The following FDPS variants were observed in gnomAD, a reference collection of about 807,000 sequenced individuals.
FDPS encodes farnesyl pyrophosphate synthase.
Under a neutral mutation model 49.5 loss-of-function variants are expected in FDPS, and 29 were observed. The ratio of observed to expected loss-of-function variants is 0.59; its 90% CI spans 0.44 to 0.80. The LOEUF is 0.80. FDPS is among the 30% of genes least tolerant of loss of function. The probability of loss-of-function intolerance (pLI) is 0.00; values close to 1 mark genes in which losing one functional copy is unlikely to be tolerated. For synonymous variants in FDPS, 172 were observed against 206.4 expected (o/e 0.83, Z 1.43); for missense variants, 414 against 525.6 (o/e 0.79, Z 2.08).
rs1247238727 is a variant in FDPS, at chr1:155,309,649, C to T, written c.-1-140C>T. 4 of 720,252 alleles carry T rather than the reference C, an allele frequency of 5.6e-6. No homozygotes were observed. The Admixed American group carries it at 1.2e-4, about 22-fold the overall frequency. 44.6% of individuals were successfully genotyped at this position (720,252 alleles called of 1,614,324 possible). On this transcript the variant is annotated intron_variant, in intron 1 of 10. Coordinates refer to ENST00000368356, the MANE Select transcript of FDPS (RefSeq NM_002004.4). Reference sequence around the variant, plus strand: ...TGCGTATCCTTCCTGTAATTGTCCCCAAGCACATTCCACAAGAGGGAGGGG... The same window carrying T: ...TGCGTATCCTTCCTGTAATTGTCCCTAAGCACATTCCACAAGAGGGAGGGG...
chr1:155,318,157 C>T lies in FDPS; in HGVS notation c.562-12C>T, dbSNP rs1489298651. The T allele has an allele frequency of 6.2e-7, 1 of 1,613,956 alleles. No individual in the cohort carries two copies. Among genetic ancestry groups the T allele is most frequent in the African/African-American group, 1.3e-5 (1 of 74,902 alleles). The stretch of plus-strand genomic sequence containing the variant: ...AGAGATTGATTGCTTGTTTTTCTGT[C>T]TGTCATGACAGCCGGGCGTGGGTTT... On this transcript the variant is annotated splice_polypyrimidine_tract_variant and intron_variant, in intron 5 of 10. Transcript: ENST00000368356. The surrounding 1 kb of genome is among the most constrained non-coding windows in gnomAD (Gnocchi z 4.2).
Position 155,312,188 on chromosome 1 carries a change from A to G in FDPS, c.340-67A>G. 4 of 1,580,092 alleles carry G rather than the reference A, an allele frequency of 2.5e-6. No individual in the cohort carries two copies. The South Asian group carries it at 4.4e-5, about 18-fold the overall frequency. ...GTGGTGGTTGGAAATGGGAGAGAGC[A>G]AGGAGAAAACTCACAGTAGCTGCTG... On this transcript the variant is annotated intron_variant, in intron 3 of 10. Coordinates refer to ENST00000368356, the MANE Select transcript of FDPS (RefSeq NM_002004.4).
At chr1:155,315,484 CCTGG>C (rs1649248247) in intron 4 of FDPS, among the ~76,000 whole-genome samples, 1 of 151,968 alleles carries the variant, frequency 6.6e-6, no homozygotes, top group African/African-American at 2.4e-5. Flanking sequence ...TCGAGACCAT[CCTGG>C]CTAACATGGT....
At chr1:155,315,514 C>T (rs1424793085) in intron 4 of FDPS, among the ~76,000 whole-genome samples, 2 of 152,044 alleles carry the variant, frequency 1.3e-5, no homozygotes, top group Admixed American at 6.6e-5. Context: ...CCCGTCTCTA[C>T]TAAGAATACA....
intron 4 of FDPS, among the ~76,000 whole-genome samples, chr1:155,315,975 C>G (rs1649341129): frequency 6.6e-6 from 1 of 152,046 alleles, no homozygotes; most frequent in Non-Finnish European, 1.5e-5. Flanking sequence ...GGGTATAGGG[C>G]CGGGTGCATT....
rs1406215553 is a variant in FDPS, at chr1:155,318,532, G to A, written c.685-133G>A. The A allele has an allele frequency of 1.9e-5, 16 of 841,390 alleles. No homozygotes were observed. The East Asian group carries it at 3.6e-4, about 19-fold the overall frequency. The allele number at this position is 841,390 out of a possible 1,614,324, so 52.1% of individuals were successfully genotyped here. The stretch of plus-strand genomic sequence containing the variant: ...TGTATGAATATGGGCCTTAAGTTTT[G>A]GGGCTTTCTCCCCTTCTGTTGCCTT... On this transcript the variant is annotated intron_variant, in intron 6 of 10. Coordinates refer to ENST00000368356, the MANE Select transcript of FDPS (RefSeq NM_002004.4). The surrounding 1 kb of genome is among the most constrained non-coding windows in gnomAD (Gnocchi z 4.2).
In FDPS at chr1:155,320,446, G is replaced by C. The variant is rs550195769; in HGVS notation, c.1097G>C (p.Arg366Pro). Residue 366 changes from arginine to proline, a missense_variant, in exon 11 of 11, where the codon CGG becomes CCG. Transcript: ENST00000368356. ...YGQKEAEKVARVKALYEELDL... is the reference protein window; with the variant it reads ...YGQKEAEKVAPVKALYEELDL... ...CAGAAGGAGGCTGAGAAAGTGGCCC[G>C]GGTGAAGGCGCTATATGAGGAGCTG... 6.2e-7 allele frequency: 1 copy of C among 1,613,688 alleles called. No homozygotes were observed. The highest frequency in any genetic ancestry group is 8.5e-7 in the Non-Finnish European group (1 of 1,179,996).
intron 4 of FDPS, chr1:155,317,224 CCTT>C (rs1047299763): frequency 6.6e-6 from 1 of 152,172 alleles, no homozygotes; most frequent in Non-Finnish European, 1.5e-5. Context: ...GTGGGAATAG[CCTT>C]CTTTTATTTA....
intron 3 of FDPS, 97 bp downstream of exon 3, chr1:155,310,302 G>T: frequency 7.7e-6 from 8 of 1,032,832 alleles, no homozygotes; most frequent in Admixed American, 2.5e-5. Context: ...TTTGACAGAT[G>T]TGAGAGAAAG....
chr1:155,309,834 G>T lies in FDPS; in HGVS notation c.45G>T (p.Leu15=), dbSNP rs778252349. 1 of 1,578,284 alleles carries T rather than the reference G, an allele frequency of 6.3e-7. No homozygotes were observed. Among genetic ancestry groups the T allele is most frequent in the Non-Finnish European group, 8.6e-7 (1 of 1,158,566 alleles). The part of the protein sequence containing the change: ...RWLRSVGVFL[L]PAPYWAPRER... ...TGAGATCTGTGGGGGTCTTCCTGCTGCCAGCCCCCTACTGGGCACCCCGGG... is the reference window on the plus strand; with the variant it reads ...TGAGATCTGTGGGGGTCTTCCTGCTTCCAGCCCCCTACTGGGCACCCCGGG... Residue 15 remains leucine (L), a synonymous_variant, in exon 2 of 11, where the codon CTG becomes CTT. Transcript: ENST00000368356.
At chr1:155,312,200 C>T in intron 3 of FDPS, 55 bp from the exon 4 acceptor site, 1 of 1,596,976 alleles carries the variant, frequency 6.3e-7, no homozygotes, top group South Asian at 1.1e-5. Flanking sequence ...GGAGAAAACT[C>T]ACAGTAGCTG....
Position 155,319,617 on chromosome 1 carries a change from A to G in FDPS, c.853A>G (p.Ile285Val), listed in dbSNP as rs1472651981. The G allele has an allele frequency of 1.2e-6, 2 of 1,614,010 alleles. No individual in the cohort carries two copies. The highest frequency in any genetic ancestry group is 1.7e-6 in the Non-Finnish European group (2 of 1,180,042). Reference sequence around the variant, plus strand: ...AACCCCCCTTTCCCTGCAGGCAGGAATTGATGGCGAGAAGGAGCACGCCAA... The same window carrying G: ...AACCCCCCTTTCCCTGCAGGCAGGAGTTGATGGCGAGAAGGAGCACGCCAA... ...PIAAAMYMAGIDGEKEHANAK... is the reference protein window; with the variant it reads ...PIAAAMYMAGVDGEKEHANAK... The change falls in exon 9 of 11, where the codon ATT becomes GTT. Residue 285 changes from isoleucine to valine, a missense_variant. Ile to Val is a conservative substitution (Grantham distance 29). Transcript: ENST00000368356.
chr1:155,316,696 C>T (rs763171250), intron 4 of FDPS, among the ~76,000 whole-genome samples: 5 of 151,262 alleles, frequency 3.3e-5, no homozygotes, highest in Non-Finnish European at 7.4e-5. Flanking sequence ...GAGGCTGAGG[C>T]AGGAGAATCG....
At position 155,310,156 on chromosome 1, in the gene FDPS, A is replaced by G; in HGVS notation, c.290A>G (p.Asp97Gly). 13 of 1,613,880 alleles carry G rather than the reference A, an allele frequency of 8.1e-6. No homozygotes were observed. The highest frequency in any genetic ancestry group is 1.1e-5 in the Non-Finnish European group (13 of 1,179,824). ...FSQIVRVLTE[D>G]EMGHPEIGDA... ...CAGATCGTTAGGGTGCTGACTGAGG[A>G]TGAGATGGGGCACCCAGAGATAGGA... The change falls in exon 3 of 11, where the codon GAT becomes GGT. Residue 97 changes from aspartate (D) to glycine (G), a missense_variant. By Grantham distance (94) the Asp-to-Gly change is moderately conservative. Coordinates refer to ENST00000368356, the MANE Select transcript of FDPS (RefSeq NM_002004.4).
rs1440515573 is a variant in FDPS at position 155,317,884 on chromosome 1, T to G, written c.481-57T>G. On this transcript the variant is annotated intron_variant, in intron 4 of 10. Transcript: ENST00000368356. Reference sequence around the variant, plus strand: ...TACAGATATAAAGTAGCAGCTCTGTTGCTGATAGAAGGAACAGTAATGAGG... The same window carrying G: ...TACAGATATAAAGTAGCAGCTCTGTGGCTGATAGAAGGAACAGTAATGAGG... 28 of 1,489,812 alleles carry G rather than the reference T, an allele frequency of 1.9e-5. No homozygotes were observed. The East Asian group carries it at 6.1e-4, about 32-fold the overall frequency. 92.3% of individuals were successfully genotyped at this position (1,489,812 alleles called of 1,614,324 possible).
intron 4 of FDPS, among the ~76,000 whole-genome samples, chr1:155,316,063 T>C (rs10908462): frequency 0.35 from 53,597 of 151,898 alleles, 10,768 homozygotes; most frequent in East Asian, 0.72. Flanking sequence ...GAGACCAGCC[T>C]GACCAACATG....
chr1:155,311,971 C>CA (rs1648842774), intron 3 of FDPS, among the ~76,000 whole-genome samples: 1 of 148,926 alleles, frequency 6.7e-6, no homozygotes, highest in African/African-American at 2.6e-5. Context: ...GAATTCATCT[C>CA]AAAAAAATAA....
chr1:155,310,203 G>A lies in FDPS; in HGVS notation c.337G>A (p.Glu113Lys). The change falls in exon 3 of 11, where the codon GAG becomes AAG. Residue 113 changes from glutamate to lysine, a missense_variant and splice_region_variant. Coordinates refer to ENST00000368356, the MANE Select transcript of FDPS (RefSeq NM_002004.4). ...AGGAGATGCTATTGCCCGGCTCAAG[G>A]AGGTGAGGGATTCATGACTTGGGGG... Reference protein sequence around the residue: ...EIGDAIARLKEVLEYNAIGGK... With the variant: ...EIGDAIARLKKVLEYNAIGGK... 1 of 1,613,896 alleles carries A rather than the reference G, an allele frequency of 6.2e-7. No homozygotes were observed. Among genetic ancestry groups the A allele is most frequent in the South Asian group, 1.1e-5 (1 of 91,080 alleles).
intron 4 of FDPS, among the ~76,000 whole-genome samples, chr1:155,316,705 C>G (rs141201953): frequency 6.6e-6 from 1 of 151,412 alleles, no homozygotes; most frequent in Non-Finnish European, 1.5e-5. Context: ...GCAGGAGAAT[C>G]GCTTGAATTT....
Sources: allele counts gnomAD v4.1 joint callset (sites outside exome capture counted in the v4.1 genomes callset), GRCh38; gene constraint gnomAD v4.1.1; non-coding constraint Gnocchi (gnomAD v3.1); transcripts MANE v1.5; gene names NCBI Gene and HGNC (gene_info 2026-07-23, HGNC 2026-07-21).